Variants in DAB1 observed in about 807,000 individuals in gnomAD.
DAB1 encodes DAB adaptor protein 1, also known as disabled homolog 1.
In DAB1, 15 loss-of-function variants were observed where a neutral mutation model predicts 64.6. That is an observed-to-expected ratio of 0.23 (90% confidence interval 0.16 to 0.36). The LOEUF is 0.36. Among genes scored for constraint, DAB1 ranks in the 10% least tolerant of loss-of-function variants. The pLI, the probability that DAB1 is intolerant of heterozygous loss-of-function variation, is 1.00. For synonymous variants in DAB1, 235 were observed against 251.9 expected (o/e 0.93, Z 0.64); for missense variants, 596 against 706.7 (o/e 0.84, Z 1.78).
At chr1:57,641,372 T>G (rs1372869179) in intron 7 of DAB1, among the ~76,000 whole-genome samples, 1 of 132,704 alleles carries the variant, frequency 7.5e-6, no homozygotes, top group Non-Finnish European at 1.6e-5. Flanking sequence ...CCCTCTTTTT[T>G]TTGTTGGTTT....
At chr1:57,497,027 A>G (rs984863133) in intron 7 of DAB1, among the ~76,000 whole-genome samples, 11 of 152,176 alleles carry the variant, frequency 7.2e-5, no homozygotes, top group African/African-American at 2.4e-4. Context: ...TCATTTCCCT[A>G]TGTACTTGCC....
At chr1:57,074,397 C>G (rs917416159) in intron 4 of DAB1, among the ~76,000 whole-genome samples, 1 of 152,106 alleles carries the variant, frequency 6.6e-6, no homozygotes, top group African/African-American at 2.4e-5. Context: ...TCTCTAAGCT[C>G]TTATTCCATC....
At chr1:57,327,176 C>A (rs112159592) in intron 1 of DAB1, among the ~76,000 whole-genome samples, 92 of 152,076 alleles carry the variant, frequency 6.0e-4, no homozygotes, top group African/African-American at 2.0e-3. Flanking sequence ...CCTGGCCTCA[C>A]GTGATCCTCT....
At chr1:57,209,987 C>T (rs962906076) in intron 2 of DAB1, among the ~76,000 whole-genome samples, 9 of 152,220 alleles carry the variant, frequency 5.9e-5, no homozygotes, top group African/African-American at 2.2e-4. Context: ...TAGCTTCTTA[C>T]AAACTGTGTG....
chr1:57,405,286 A>G (rs1008441147), intron 1 of DAB1, among the ~76,000 whole-genome samples: 1 of 152,212 alleles, frequency 6.6e-6, no homozygotes, highest in Non-Finnish European at 1.5e-5. Context: ...ATAAAGAAAA[A>G]CAAACAATGG....
chr1:58,529,875 T>TA (rs1646407118), intron 1 of DAB1, among the ~76,000 whole-genome samples: 1 of 152,064 alleles, frequency 6.6e-6, no homozygotes, highest in African/African-American at 2.4e-5. Context: ...CACCATGCTT[T>TA]TATTTTTATT....
Position 57,598,646 on chromosome 1 carries a change from G to T in DAB1, n.625+50946C>A, listed in dbSNP as rs577298432. Among the ~76,000 whole-genome samples, 305 of 152,274 alleles carry T rather than the reference G, an allele frequency of 2.0e-3. 1 individual carries two copies. The highest frequency in any genetic ancestry group is 6.8e-3 in the African/African-American group (282 of 41,540). ...GATGCCATCTAGCAGGGAGGCTGGT[G>T]GGCTGGCTGTATGGGCAGTGACAGG... On this transcript the variant is annotated intron_variant and non_coding_transcript_variant, in intron 7 of 20. Transcript: ENST00000485760.
At chr1:58,088,612 G>C (rs1251379390) in intron 5 of DAB1, among the ~76,000 whole-genome samples, 1 of 152,070 alleles carries the variant, frequency 6.6e-6, no homozygotes, top group Non-Finnish European at 1.5e-5. Context: ...CACTCTACTA[G>C]GTATGAAGGG....
intron 4 of DAB1, among the ~76,000 whole-genome samples, chr1:58,224,077 T>G (rs1478936239): frequency 1.3e-5 from 2 of 152,220 alleles, no homozygotes; most frequent in Non-Finnish European, 2.9e-5. Flanking sequence ...TTGGGCTCCT[T>G]GCTGGATTTC....
intron 1 of DAB1, among the ~76,000 whole-genome samples, chr1:57,293,144 G>A (rs1384308272): frequency 6.6e-6 from 1 of 152,028 alleles, no homozygotes; most frequent in African/African-American, 2.4e-5. Context: ...ACTCTAGCAG[G>A]GAGGTGATGC....
intron 4 of DAB1, among the ~76,000 whole-genome samples, chr1:58,216,430 T>C (rs1010408595): frequency 1.3e-5 from 2 of 152,224 alleles, no homozygotes; most frequent in African/African-American, 4.8e-5. Flanking sequence ...AGTCTATCAT[T>C]GATGGGCATT....
intron 4 of DAB1, among the ~76,000 whole-genome samples, chr1:58,209,464 C>G (rs1372366844): frequency 6.6e-6 from 1 of 152,070 alleles, no homozygotes; most frequent in Non-Finnish European, 1.5e-5. Context: ...TGAAAACTAC[C>G]TTATAAAAAG....
At chr1:57,978,048 G>A (rs1349484816) in intron 5 of DAB1, among the ~76,000 whole-genome samples, 2 of 152,054 alleles carry the variant, frequency 1.3e-5, no homozygotes, top group Non-Finnish European at 2.9e-5. Context: ...TTTCTTCACA[G>A]AATTGCAAAA....
intron 7 of DAB1, among the ~76,000 whole-genome samples, chr1:57,572,979 A>G (rs1239687289): frequency 6.6e-6 from 1 of 152,154 alleles, no homozygotes; most frequent in Non-Finnish European, 1.5e-5. Flanking sequence ...TGACCCAAAC[A>G]TCTCCCACCA....
At chr1:58,070,275 T>G (rs1163002684) in intron 5 of DAB1, among the ~76,000 whole-genome samples, 1 of 152,136 alleles carries the variant, frequency 6.6e-6, no homozygotes, top group Non-Finnish European at 1.5e-5. Flanking sequence ...TCCCAAATAT[T>G]GGTTCAGAAA....
intron 1 of DAB1, among the ~76,000 whole-genome samples, chr1:57,414,379 G>A (rs72909225): frequency 0.094 from 14,281 of 152,250 alleles, 765 homozygotes; most frequent in Admixed American, 0.12. Context: ...ATTATGACTT[G>A]CTGAAGGCTC....
intron 2 of DAB1, 125 bp from the exon 3 acceptor site, chr1:57,145,554 C>A: frequency 1.0e-6 from 1 of 970,384 alleles, no homozygotes. Flanking sequence ...TCACTGGACT[C>A]AGGAGAAAAG....
intron 7 of DAB1, among the ~76,000 whole-genome samples, chr1:57,540,546 A>G (rs561546975): frequency 2.0e-5 from 3 of 152,360 alleles, no homozygotes; most frequent in African/African-American, 7.2e-5. Flanking sequence ...AAATCAACCT[A>G]GGTGTCCATC....
At position 57,467,027 on chromosome 1, in the gene DAB1, T is replaced by C. The variant is rs115084128; in HGVS notation, n.626-175861A>G. On this transcript the variant is annotated intron_variant and non_coding_transcript_variant, in intron 7 of 20. Coordinates refer to the DAB1 transcript ENST00000485760. ...GTGACATAATCACAAGAGCGATAGCTTATCTTGTTCACAGTTTCCACCCAT... is the reference window on the plus strand; with the variant it reads ...GTGACATAATCACAAGAGCGATAGCCTATCTTGTTCACAGTTTCCACCCAT... Among the ~76,000 whole-genome samples the C allele has an allele frequency of 2.7e-3, 410 of 152,324 alleles. 3 individuals are homozygous for C. Among genetic ancestry groups the C allele is most frequent in the African/African-American group, 8.9e-3 (368 of 41,576 alleles).
Sources: allele counts gnomAD v4.1 joint callset (sites outside exome capture counted in the v4.1 genomes callset), GRCh38; gene constraint gnomAD v4.1.1; transcripts MANE v1.5; gene names NCBI Gene and HGNC (gene_info 2026-07-23, HGNC 2026-07-21).